Variants in LRRC37A2 observed in about 807,000 individuals in gnomAD.
The protein encoded by LRRC37A2 is leucine-rich repeat-containing protein 37A2.
A neutral mutation model predicts 68.8 loss-of-function variants in LRRC37A2; 9 were observed. The observed-to-expected ratio is 0.13, with a 90% confidence interval of 0.08 to 0.23. The LOEUF (loss-of-function observed/expected upper bound fraction) is 0.23, where lower values mean the gene tolerates loss of function less well. Ranked by LOEUF, LRRC37A2 falls within the 10% of genes least tolerant of loss-of-function variation. The pLI is 1.00. For missense variants in LRRC37A2, 168 were observed against 950.4 expected, an observed-to-expected ratio of 0.18 and a Z score of 10.82; for synonymous variants, 63 against 367.6, an observed-to-expected ratio of 0.17 and a Z score of 9.48.
chr17:46,947,757 G>A, the LRRC37A2 span, among the ~76,000 whole-genome samples: 3 of 152,248 alleles, frequency 2.0e-5, no homozygotes, highest in Non-Finnish European at 2.9e-5. Flanking sequence ...GAGCTTGTCC[G>A]TCACTAGAAA....
At chr17:46,906,757 A>C in the LRRC37A2 span, among the ~76,000 whole-genome samples, 1 of 152,150 alleles carries the variant, frequency 6.6e-6, no homozygotes, top group Non-Finnish European at 1.5e-5. Flanking sequence ...AACTTACCCA[A>C]GATCACCCAT....
At chr17:46,805,625 C>T in the LRRC37A2 span, among the ~76,000 whole-genome samples, 4 of 152,044 alleles carry the variant, frequency 2.6e-5, no homozygotes, top group African/African-American at 9.7e-5. Context: ...ATGGTGCTTG[C>T]CTGTAGTCTT....
the LRRC37A2 span, among the ~76,000 whole-genome samples, chr17:46,947,138 C>T: frequency 6.6e-6 from 1 of 152,094 alleles, no homozygotes; most frequent in Non-Finnish European, 1.5e-5. Flanking sequence ...GGGACCCTGA[C>T]ATGAATGTGG....
chr17:46,785,434 T>C, the LRRC37A2 span, among the ~76,000 whole-genome samples: 1 of 152,280 alleles, frequency 6.6e-6, no homozygotes, highest in South Asian at 2.1e-4. Context: ...GAAAAACCCA[T>C]GCACACGGAG....
At chr17:46,730,300 A>C in the LRRC37A2 span, among the ~76,000 whole-genome samples, 2 of 152,154 alleles carry the variant, frequency 1.3e-5, no homozygotes, top group African/African-American at 4.8e-5. Context: ...TTTATCTCTT[A>C]AAATAGTTCT....
chr17:46,863,378 C>A, the LRRC37A2 span, among the ~76,000 whole-genome samples: 6 of 152,236 alleles, frequency 3.9e-5, no homozygotes, highest in Non-Finnish European at 7.3e-5. Flanking sequence ...GAGCACGCAT[C>A]TGGACTGGGA....
At chr17:46,840,585 ACTGT>A in the LRRC37A2 span, among the ~76,000 whole-genome samples, 1 of 152,208 alleles carries the variant, frequency 6.6e-6, no homozygotes, top group African/African-American at 2.4e-5. Flanking sequence ...GAATTGCCAT[ACTGT>A]CTAATTGAAC....
chr17:46,488,818 G>A, the LRRC37A2 span, among the ~76,000 whole-genome samples: 2 of 110,496 alleles, frequency 1.8e-5, no homozygotes, highest in Non-Finnish European at 2.0e-5. Context: ...GGGGACTGCT[G>A]ATGTATATGA....
the LRRC37A2 span, chr17:47,017,083 A>G: frequency 1.0e-5 from 15 of 1,485,782 alleles, no homozygotes; most frequent in African/African-American, 1.6e-4. Context: ...GGATTGTGAC[A>G]TAAGAGTGCC....
the LRRC37A2 span, among the ~76,000 whole-genome samples, chr17:46,794,063 A>C: frequency 2.0e-5 from 3 of 152,150 alleles, no homozygotes; most frequent in African/African-American, 7.2e-5. Context: ...AGGCATGTTC[A>C]TAGGGAACAG....
At chr17:47,012,185 A>G in the LRRC37A2 span, among the ~76,000 whole-genome samples, 1 of 152,160 alleles carries the variant, frequency 6.6e-6, no homozygotes, top group Non-Finnish European at 1.5e-5. Flanking sequence ...GAGGTTTCCA[A>G]TTCAGCTCCA....
the LRRC37A2 span, among the ~76,000 whole-genome samples, chr17:46,736,411 G>C: frequency 6.6e-6 from 1 of 152,084 alleles, no homozygotes. Flanking sequence ...CTACCTTTCT[G>C]TCCCAGAAAC....
At chr17:46,995,423 G>A in the LRRC37A2 span, among the ~76,000 whole-genome samples, 10 of 152,176 alleles carry the variant, frequency 6.6e-5, no homozygotes, top group Admixed American at 3.3e-4. Flanking sequence ...TATGTTAAAG[G>A]AAAACAACAT....
At chr17:46,897,502 G>T in the LRRC37A2 span, among the ~76,000 whole-genome samples, 3 of 152,278 alleles carry the variant, frequency 2.0e-5, no homozygotes, top group East Asian at 5.8e-4. Context: ...AGGTTACCAT[G>T]AGCCAGTATT....
At chr17:46,690,624 AAT>A in the LRRC37A2 span, among the ~76,000 whole-genome samples, 4 of 110,950 alleles carry the variant, frequency 3.6e-5, no homozygotes, top group African/African-American at 1.0e-4. Context: ...AAAAAAAAAA[AAT>A]ATATATATAT....
chr17:46,794,757 T>C, the LRRC37A2 span, among the ~76,000 whole-genome samples: 52 of 149,422 alleles, frequency 3.5e-4, no homozygotes, highest in Admixed American at 9.3e-4. Context: ...TTTTTCTTTT[T>C]TTTTTTTTTT....
chr17:46,939,220 TAA>T, the LRRC37A2 span: 1 of 1,070,848 alleles, frequency 9.3e-7, no homozygotes, highest in Admixed American at 4.6e-5. Flanking sequence ...GCCATTATAT[TAA>T]ATAGTAGGTC....
the LRRC37A2 span, among the ~76,000 whole-genome samples, chr17:46,985,042 CTGCCTGTT>C: frequency 6.6e-6 from 1 of 152,252 alleles, no homozygotes; most frequent in Non-Finnish European, 1.5e-5. Context: ...AGGTAGCCTG[CTGCCTGTT>C]TGCCCAGTTC....
chr17:46,989,423 T>C, the LRRC37A2 span, among the ~76,000 whole-genome samples: 12,645 of 152,338 alleles, frequency 0.083, 608 homozygotes, highest in Middle Eastern at 0.11. Flanking sequence ...GGAATCGCTC[T>C]TCCCCATCCC....
Sources: gnomAD v4.1 joint callset for allele counts (sites outside exome capture counted in the v4.1 genomes callset) on GRCh38, gnomAD v4.1.1 for gene constraint, MANE v1.5 for transcripts, NCBI Gene and HGNC (gene_info 2026-07-23, HGNC 2026-07-21) for gene names.